The following AFP variants were observed in gnomAD, a reference collection of about 807,000 sequenced individuals.
The protein encoded by AFP is alpha fetoprotein.
AFP carries 64 observed loss-of-function variants against 78.9 expected under a neutral mutation model. The observed-to-expected ratio is 0.81, with a 90% CI of 0.66 to 1.00. AFP has a LOEUF of 1.00. Ranked by LOEUF, AFP falls within the 50% of genes least tolerant of loss-of-function variation. AFP has a pLI of 0.00. For missense variants in AFP, 689 were observed against 703.8 expected, an observed-to-expected ratio of 0.98 and a Z score of 0.24; for synonymous variants, 254 against 243.8, an observed-to-expected ratio of 1.04 and a Z score of -0.39.
At position 73,455,228 on chromosome 4, in the gene AFP, A is replaced by C; in HGVS notation, c.1786-8A>C. The C allele has an allele frequency of 6.2e-7, 1 of 1,606,944 alleles. No homozygotes were observed. Among genetic ancestry groups the C allele is most frequent in the South Asian group, 1.1e-5 (1 of 90,946 alleles). ...CTTTATCTGATTATGTTTATTCTTAATTTTCAGGGACAAAAACTGATTTCA... is the reference window on the plus strand; with the variant it reads ...CTTTATCTGATTATGTTTATTCTTACTTTTCAGGGACAAAAACTGATTTCA... On this transcript the variant is annotated splice_polypyrimidine_tract_variant and splice_region_variant and intron_variant, in intron 13 of 14. Coordinates refer to ENST00000395792, the MANE Select transcript of AFP (RefSeq NM_001134.3).
chr4:73,446,607 TC>T (rs1719833805), intron 7 of AFP, among the ~76,000 whole-genome samples: 1 of 146,274 alleles, frequency 6.8e-6, no homozygotes, highest in Non-Finnish European at 1.5e-5. Context: ...TGATTATCAT[TC>T]TTACGGAATT....
chr4:73,445,557 C>CAGTCTGATA (rs1450372647), intron 7 of AFP, among the ~76,000 whole-genome samples: 6 of 152,200 alleles, frequency 3.9e-5, no homozygotes, highest in Non-Finnish European at 7.3e-5. Flanking sequence ...AAGGAATTCA[C>CAGTCTGATA]AGTCTGATAG....
chr4:73,450,124 T>C lies in AFP; in HGVS notation c.1280T>C (p.Leu427Ser). 3 of 1,610,634 alleles carry C rather than the reference T, an allele frequency of 1.9e-6. No individual in the cohort carries two copies. Among genetic ancestry groups the C allele is most frequent in the Non-Finnish European group, 2.5e-6 (3 of 1,177,122 alleles). ...GLFQKLGEYYLQNAFLVAYTK... is the reference protein window; with the variant it reads ...GLFQKLGEYYSQNAFLVAYTK... ...TTCCAGAAACTAGGAGAATATTACT[T>C]ACAAAATGCGTATGTTTTTGTAAAC... The change falls in exon 10 of 15, where the codon TTA (leucine) becomes TCA (serine). Residue 427 changes from leucine to serine, a missense_variant. Coordinates refer to ENST00000395792, the MANE Select transcript of AFP (RefSeq NM_001134.3).
At chr4:73,455,186 G>A (rs371097295) in intron 13 of AFP, 50 bp from the exon 14 acceptor site, 32 of 1,346,746 alleles carry the variant, frequency 2.4e-5, no homozygotes, top group Admixed American at 3.4e-5. Context: ...CTGTATGATT[G>A]GTATAATAAT....
At chr4:73,442,689 A>C (rs1368963972) in intron 5 of AFP, among the ~76,000 whole-genome samples, 1 of 152,180 alleles carries the variant, frequency 6.6e-6, no homozygotes, top group Non-Finnish European at 1.5e-5. Flanking sequence ...AGACAGAAAG[A>C]GAGAAAGAGA....
At chr4:73,445,207 G>T (rs1719784424) in intron 7 of AFP, 85 bp downstream of exon 7, 1 of 1,536,922 alleles carries the variant, frequency 6.5e-7, no homozygotes, top group Non-Finnish European at 9.0e-7. Context: ...AAGGTTGTTT[G>T]ACTTGAATTG....
At chr4:73,452,649 T>C in intron 12 of AFP, 25 bp downstream of exon 12, 1 of 1,565,598 alleles carries the variant, frequency 6.4e-7, no homozygotes, top group Non-Finnish European at 8.8e-7. Context: ...CTTGCTAGCA[T>C]GGAAAAGAAT....
chr4:73,452,315 T>G, intron 11 of AFP, 86 bp from the exon 12 acceptor site: 1 of 1,053,708 alleles, frequency 9.5e-7, no homozygotes, highest in East Asian at 2.4e-5. Context: ...GCATTAGAAA[T>G]TATTGCAGCA....
At chr4:73,447,763 T>C (rs556900153) in intron 8 of AFP, 87 bp downstream of exon 8, 1 of 1,175,832 alleles carries the variant, frequency 8.5e-7, no homozygotes, top group South Asian at 1.3e-5. Flanking sequence ...AGAGTGATGA[T>C]TATGGTTTTT....
At chr4:73,453,981 T>A (rs1305968995) in intron 13 of AFP, 84 bp downstream of exon 13, 1 of 1,516,158 alleles carries the variant, frequency 6.6e-7, no homozygotes, top group Non-Finnish European at 9.1e-7. Context: ...TACAAATTTA[T>A]AACTTTAAAA....
intron 3 of AFP, among the ~76,000 whole-genome samples, chr4:73,440,113 G>A (rs1291586346): frequency 6.6e-6 from 1 of 151,906 alleles, no homozygotes; most frequent in East Asian, 1.9e-4. Context: ...CTGTTACATA[G>A]GTAAACACGT....
intron 11 of AFP, among the ~76,000 whole-genome samples, chr4:73,451,256 A>G (rs1440255715): frequency 6.6e-6 from 1 of 152,226 alleles, no homozygotes; most frequent in Non-Finnish European, 1.5e-5. Flanking sequence ...AGGGTACAGC[A>G]CAGGATAAGT....
At chr4:73,443,599 T>C (rs1175542489) in intron 6 of AFP, among the ~76,000 whole-genome samples, 155 bp downstream of exon 6, 2 of 152,294 alleles carry the variant, frequency 1.3e-5, no homozygotes, top group East Asian at 3.9e-4. Context: ...CATGAACTCT[T>C]AGGATCAGAA....
intron 3 of AFP, among the ~76,000 whole-genome samples, chr4:73,439,351 T>G (rs1719599352): frequency 6.6e-6 from 1 of 152,190 alleles, no homozygotes; most frequent in Non-Finnish European, 1.5e-5. Context: ...GGATATAGTT[T>G]AAGTTCTTTC....
In AFP at chr4:73,452,628, A is replaced by G. The variant is rs1466868151; in HGVS notation, c.1652+4A>G. On this transcript the variant is annotated splice_donor_region_variant and intron_variant, in intron 12 of 14. Transcript: ENST00000395792. ...CGCTGCAAACAATGAAGCAAGAGTA[A>G]GAAACTGTTACTTGCTAGCATGGAA... 5.0e-6 allele frequency: 8 copies of G among 1,600,482 alleles called. No homozygotes were observed. Among genetic ancestry groups the G allele is most frequent in the East Asian group, 2.2e-5 (1 of 44,814 alleles).
chr4:73,451,628 G>A (rs892920313), intron 11 of AFP, among the ~76,000 whole-genome samples: 4 of 152,156 alleles, frequency 2.6e-5, no homozygotes, highest in Admixed American at 6.5e-5. Context: ...GCCAACAACC[G>A]CATTCTACTT....
Position 73,442,368 on chromosome 4 carries a change from T to C in AFP, c.555T>C (p.Tyr185=). ...CAATTCTTCTTTGGGCTGCTCGCTATGACAAAATAATTCCATCTTGCTGCA... is the reference window on the plus strand; with the variant it reads ...CAATTCTTCTTTGGGCTGCTCGCTACGACAAAATAATTCCATCTTGCTGCA... ...APTILLWAAR[Y]DKIIPSCCKA... Residue 185 remains tyrosine (Y), a synonymous_variant, in exon 5 of 15, where the codon TAT becomes TAC. Transcript: ENST00000395792. 1.9e-6 allele frequency: 3 copies of C among 1,614,126 alleles called. No homozygotes were observed. The highest frequency in any genetic ancestry group is 1.7e-5 in the Admixed American group (1 of 60,032).
intron 1 of AFP, among the ~76,000 whole-genome samples, chr4:73,436,819 T>C (rs1385111681): frequency 6.6e-6 from 1 of 151,820 alleles, no homozygotes; most frequent in Non-Finnish European, 1.5e-5. Context: ...TGGCAAACCG[T>C]AGTATAACTA....
In AFP at chr4:73,442,883, A is replaced by T. The variant is rs540151174; in HGVS notation, c.615+455A>T. Among the ~76,000 whole-genome samples, 159 of 152,034 alleles carry T rather than the reference A, an allele frequency of 1.0e-3. 1 individual carries two copies. Among genetic ancestry groups the T allele is most frequent in the African/African-American group, 3.6e-3 (151 of 41,480 alleles). On this transcript the variant is annotated intron_variant, in intron 5 of 14. Transcript: ENST00000395792. ...CTAGGAAAGAGGTTTAGAGAAGAAAATTTTTTTTAGGTTTAGAGAGGTAGA... is the reference window on the plus strand; with the variant it reads ...CTAGGAAAGAGGTTTAGAGAAGAAATTTTTTTTTAGGTTTAGAGAGGTAGA...
Sources: gnomAD v4.1 joint callset for allele counts (sites outside exome capture counted in the v4.1 genomes callset) on GRCh38, gnomAD v4.1.1 for gene constraint, MANE v1.5 for transcripts, NCBI Gene and HGNC (gene_info 2026-07-23, HGNC 2026-07-21) for gene names.